ATRNL1: variants seen among roughly 807,000 people sequenced by gnomAD.
ATRNL1 encodes the protein attractin like 1.
Under a neutral mutation model 182.7 loss-of-function variants are expected in ATRNL1, and 95 were observed. The observed-to-expected ratio is 0.52, with a 90% CI of 0.44 to 0.62. The LOEUF (loss-of-function observed/expected upper bound fraction) is 0.62, where lower values mean the gene tolerates loss of function less well. Among genes scored for constraint, ATRNL1 ranks in the 20% least tolerant of loss-of-function variants. The probability of loss-of-function intolerance (pLI) is 0.00; values close to 1 mark genes in which losing one functional copy is unlikely to be tolerated. For synonymous variants in ATRNL1, 576 were observed against 568.3 expected, an observed-to-expected ratio of 1.01 and a Z score of -0.19; for missense variants, 1,471 against 1,679.5, an observed-to-expected ratio of 0.88 and a Z score of 2.17.
At chr10:115,642,933 A>C (rs1451006934) in intron 26 of ATRNL1, among the ~76,000 whole-genome samples, 1 of 152,210 alleles carries the variant, frequency 6.6e-6, no homozygotes, top group Non-Finnish European at 1.5e-5. Context: ...AACATTTGGC[A>C]ATGTCTGGGG....
chr10:115,503,718 T>G (rs1849962963), intron 24 of ATRNL1, among the ~76,000 whole-genome samples: 1 of 152,032 alleles, frequency 6.6e-6, no homozygotes, highest in Admixed American at 6.6e-5. Context: ...ATAAATTCTC[T>G]TCTTGTGACT....
Position 115,884,255 on chromosome 10 carries a change from G to A in ATRNL1, c.4018+36264G>A, listed in dbSNP as rs79100466. 6.0e-3 allele frequency among the ~76,000 whole-genome samples: 912 copies of A among 152,168 alleles called. 7 individuals carry two copies. The highest frequency in any genetic ancestry group is 0.021 in the African/African-American group (873 of 41,494). On this transcript the variant is annotated intron_variant, in intron 28 of 28. Transcript: ENST00000355044. ...TGAAGCCCTTATAAACAGAATCCTG[G>A]CCTATTTTCAAGGATGGGAGATATG... is the stretch of plus-strand genomic sequence containing the variant.
At chr10:115,757,486 C>G (rs916124793) in intron 27 of ATRNL1, among the ~76,000 whole-genome samples, 16 of 152,068 alleles carry the variant, frequency 1.1e-4, no homozygotes, top group African/African-American at 1.9e-4. Flanking sequence ...GAATATTGTC[C>G]CCTACTCTCT....
At chr10:115,209,052 C>T (rs528859689) in intron 8 of ATRNL1, among the ~76,000 whole-genome samples, 4 of 151,458 alleles carry the variant, frequency 2.6e-5, no homozygotes, top group Non-Finnish European at 5.9e-5. Context: ...AAAAATGACT[C>T]AAATATAACA....
chr10:115,348,380 ATGTTCC>A (rs1264889136), intron 19 of ATRNL1, among the ~76,000 whole-genome samples: 3 of 152,188 alleles, frequency 2.0e-5, no homozygotes, highest in African/African-American at 7.2e-5. Flanking sequence ...TGTATAATAT[ATGTTCC>A]TGGCAAATGT....
At chr10:115,424,291 C>T (rs1168282807) in intron 20 of ATRNL1, among the ~76,000 whole-genome samples, 1 of 152,046 alleles carries the variant, frequency 6.6e-6, no homozygotes, top group East Asian at 1.9e-4. Context: ...CAAATACTGG[C>T]GAGGTTGTGG....
At chr10:115,293,898 G>A (rs1853046556) in intron 15 of ATRNL1, among the ~76,000 whole-genome samples, 1 of 152,082 alleles carries the variant, frequency 6.6e-6, no homozygotes, top group African/African-American at 2.4e-5. Flanking sequence ...AATTCTTTCT[G>A]TTTGATTGTT....
chr10:115,591,817 C>A (rs1001297066), intron 26 of ATRNL1, among the ~76,000 whole-genome samples: 2 of 152,188 alleles, frequency 1.3e-5, no homozygotes, highest in African/African-American at 4.8e-5. Context: ...TATCCCATTA[C>A]TGCACATGTA....
At chr10:115,136,280 TA>T (rs1186858208) in intron 5 of ATRNL1, among the ~76,000 whole-genome samples, 1 of 150,564 alleles carries the variant, frequency 6.6e-6, no homozygotes, top group African/African-American at 2.4e-5. Flanking sequence ...GACAGTAAAA[TA>T]AAAAAAATAG....
intron 6 of ATRNL1, among the ~76,000 whole-genome samples, chr10:115,164,629 T>C (rs149948438): frequency 2.6e-4 from 39 of 152,210 alleles, no homozygotes; most frequent in African/African-American, 8.4e-4. Context: ...ATATACACAA[T>C]GGAGTATTGT....
chr10:115,610,857 C>A (rs975447598), intron 26 of ATRNL1, among the ~76,000 whole-genome samples: 1 of 152,092 alleles, frequency 6.6e-6, no homozygotes, highest in Non-Finnish European at 1.5e-5. Flanking sequence ...GAGTTATATA[C>A]TTAAGGAACC....
At chr10:115,888,808 T>C (rs782211191) in intron 28 of ATRNL1, among the ~76,000 whole-genome samples, 1 of 152,202 alleles carries the variant, frequency 6.6e-6, no homozygotes, top group Non-Finnish European at 1.5e-5. Context: ...GCCATTTTCC[T>C]AGCATGTGGC....
intron 26 of ATRNL1, among the ~76,000 whole-genome samples, chr10:115,708,716 A>T (rs539861150): frequency 6.6e-6 from 1 of 151,804 alleles, no homozygotes; most frequent in African/African-American, 2.4e-5. Flanking sequence ...CATAAATGTT[A>T]TTGTAAGTTC....
intron 24 of ATRNL1, among the ~76,000 whole-genome samples, chr10:115,495,309 CA>C (rs1849489966): frequency 6.6e-6 from 1 of 152,028 alleles, no homozygotes; most frequent in Admixed American, 6.6e-5. Flanking sequence ...TTTTGTGTCT[CA>C]CTATCCTTCA....
At chr10:115,613,572 G>GT (rs782594474) in intron 26 of ATRNL1, among the ~76,000 whole-genome samples, 3 of 151,984 alleles carry the variant, frequency 2.0e-5, no homozygotes, top group Non-Finnish European at 2.9e-5. Flanking sequence ...TTCTTCATCA[G>GT]TTTTTTGGAA....
At chr10:115,276,020 T>C (rs1172753510) in intron 13 of ATRNL1, among the ~76,000 whole-genome samples, 4 of 152,150 alleles carry the variant, frequency 2.6e-5, no homozygotes, top group Non-Finnish European at 5.9e-5. Flanking sequence ...TCCAACTTTA[T>C]GTTTCGTCTA....
chr10:115,543,871 T>C (rs1204040519), intron 25 of ATRNL1, among the ~76,000 whole-genome samples: 1 of 152,204 alleles, frequency 6.6e-6, no homozygotes, highest in Non-Finnish European at 1.5e-5. Context: ...GTAGCTGATA[T>C]ACTTGCTTTT....
At chr10:115,679,289 C>A (rs1215867110) in intron 26 of ATRNL1, among the ~76,000 whole-genome samples, 1 of 151,768 alleles carries the variant, frequency 6.6e-6, no homozygotes, top group Non-Finnish European at 1.5e-5. Flanking sequence ...TTGAACAGTA[C>A]TAGTTTTTGT....
intron 18 of ATRNL1, among the ~76,000 whole-genome samples, chr10:115,318,267 G>A (rs1283205912): frequency 1.3e-5 from 2 of 152,130 alleles, no homozygotes; most frequent in Non-Finnish European, 2.9e-5. Flanking sequence ...TAAGTATTTT[G>A]ATGTGCTGCT....
Sources: gnomAD v4.1 joint callset for allele counts (sites outside exome capture counted in the v4.1 genomes callset) on GRCh38, gnomAD v4.1.1 for gene constraint, MANE v1.5 for transcripts, NCBI Gene and HGNC (gene_info 2026-07-23, HGNC 2026-07-21) for gene names.